Variants in SLCO1A2 observed in about 807,000 individuals in gnomAD.
The protein encoded by SLCO1A2 is solute carrier organic anion transporter family member 1A2.
SLCO1A2 carries 67 observed loss-of-function variants against 69.0 expected under a neutral mutation model. The ratio of observed to expected loss-of-function variants is 0.97; its 90% CI spans 0.80 to 1.19. SLCO1A2 has a LOEUF of 1.19. Ranked by LOEUF, SLCO1A2 falls within the 50% of genes most tolerant of loss-of-function variation. The pLI, the probability that SLCO1A2 is intolerant of heterozygous loss-of-function variation, is 0.00. For missense variants in SLCO1A2, 787 were observed against 793.7 expected (o/e 0.99, Z 0.10); for synonymous variants, 260 against 265.9 (o/e 0.98, Z 0.22).
At chr12:21,352,466 T>G (rs1190251753) in intron 2 of SLCO1A2, among the ~76,000 whole-genome samples, 1 of 152,236 alleles carries the variant, frequency 6.6e-6, no homozygotes, top group African/African-American at 2.4e-5. Flanking sequence ...ATCCTCTAAT[T>G]GAACATTTAT....
intron 2 of SLCO1A2, among the ~76,000 whole-genome samples, chr12:21,368,804 A>C (rs922670647): frequency 6.6e-6 from 1 of 152,152 alleles, no homozygotes; most frequent in South Asian, 2.1e-4. Flanking sequence ...ATGTACACCT[A>C]ATATTGATAT....
At chr12:21,327,397 G>T (rs1952318994) in intron 2 of SLCO1A2, among the ~76,000 whole-genome samples, 2 of 152,224 alleles carry the variant, frequency 1.3e-5, no homozygotes, top group Admixed American at 1.3e-4. Flanking sequence ...TGAGAAGAGG[G>T]CCACCATCCT....
At chr12:21,390,043 C>T (rs1941074381) in intron 1 of SLCO1A2, among the ~76,000 whole-genome samples, 1 of 151,648 alleles carries the variant, frequency 6.6e-6, no homozygotes, top group African/African-American at 2.4e-5. Context: ...TTTTAAAATG[C>T]AAATAAATGT....
intron 2 of SLCO1A2, among the ~76,000 whole-genome samples, chr12:21,357,800 C>A (rs1938490492): frequency 6.6e-6 from 1 of 151,978 alleles, no homozygotes; most frequent in Non-Finnish European, 1.5e-5. Flanking sequence ...TCTCAGGAGT[C>A]CTTAAAAAAT....
At chr12:21,355,871 A>T (rs2137027847) in intron 2 of SLCO1A2, among the ~76,000 whole-genome samples, 1 of 152,334 alleles carries the variant, frequency 6.6e-6, no homozygotes, top group Middle Eastern at 3.4e-3. Context: ...ATTTCTAATT[A>T]ACCAAAAAAG....
chr12:21,417,561 G>T (rs1272762533), intron 1 of SLCO1A2, among the ~76,000 whole-genome samples: 1 of 151,498 alleles, frequency 6.6e-6, no homozygotes. Flanking sequence ...ATGGGAAAAA[G>T]TGACAAAGGG....
intron 4 of SLCO1A2, among the ~76,000 whole-genome samples, chr12:21,312,000 AGGAGAAGAAGAGGAGGAG>A (rs1950238173): frequency 6.6e-6 from 1 of 151,250 alleles, no homozygotes; most frequent in Non-Finnish European, 1.5e-5. Context: ...GAGGAGGAGG[AGGAGAAGAAGAGGAGGAG>A]GGAGGAGGAG....
At chr12:21,391,785 C>T (rs1413609605) in intron 1 of SLCO1A2, among the ~76,000 whole-genome samples, 1 of 151,876 alleles carries the variant, frequency 6.6e-6, no homozygotes, top group Non-Finnish European at 1.5e-5. Flanking sequence ...TTAGTTCCCC[C>T]AAAAGGTGCA....
chr12:21,394,733 G>C (rs1358329743), intron 1 of SLCO1A2, among the ~76,000 whole-genome samples: 1 of 152,096 alleles, frequency 6.6e-6, no homozygotes, highest in African/African-American at 2.4e-5. Flanking sequence ...CTGGGGAATA[G>C]TAAATTATCC....
chr12:21,276,190 C>A (rs2136113711), intron 12 of SLCO1A2, among the ~76,000 whole-genome samples: 1 of 151,948 alleles, frequency 6.6e-6, no homozygotes, highest in East Asian at 1.9e-4. Context: ...CATTGAAAAA[C>A]CTACATAGAA....
intron 14 of SLCO1A2, among the ~76,000 whole-genome samples, chr12:21,270,021 TAAC>T (rs1942515331): frequency 1.1e-5 from 1 of 90,036 alleles, no homozygotes; most frequent in Non-Finnish European, 2.1e-5. Context: ...ATTGTTGTTA[TAAC>T]TAACTAGTTT....
rs1941940133 is a variant in SLCO1A2 at position 21,265,127 on chromosome 12, A to G, written c.*4421T>C. ...CATCAATTGTATGAGTGTAATAGAC[A>G]TTCTAGTTCTTCAGCAGCTGGGGAT... On this transcript the variant is annotated 3_prime_UTR_variant, in exon 15 of 15. Transcript: ENST00000683939. 1 of 152,218 alleles carries G rather than the reference A, an allele frequency of 6.6e-6. No individual in the cohort carries two copies. 9.4% of individuals were successfully genotyped at this position (152,218 alleles called of 1,614,324 possible).
At chr12:21,400,812 G>A (rs1390979636) in intron 1 of SLCO1A2, among the ~76,000 whole-genome samples, 29 of 146,256 alleles carry the variant, frequency 2.0e-4, no homozygotes, top group East Asian at 1.4e-3. Flanking sequence ...TCACTCATAG[G>A]TGGGAATTGA....
At chr12:21,280,211 T>C (rs1160855244) in intron 12 of SLCO1A2, among the ~76,000 whole-genome samples, 1 of 151,820 alleles carries the variant, frequency 6.6e-6, no homozygotes, top group African/African-American at 2.4e-5. Flanking sequence ...AATAACAAAA[T>C]GGCAGCAGTA....
chr12:21,332,589 G>A lies in SLCO1A2; in HGVS notation c.60+1999C>T, dbSNP rs545757855. Among the ~76,000 whole-genome samples the A allele has an allele frequency of 1.4e-4, 21 of 152,182 alleles. No homozygotes were observed. The South Asian group carries it at 4.1e-3, about 30-fold the overall frequency. On this transcript the variant is annotated intron_variant, in intron 2 of 14. Coordinates refer to ENST00000683939, the MANE Select transcript of SLCO1A2 (RefSeq NM_001386879.1). The stretch of plus-strand genomic sequence containing the variant: ...TTTAGACTAACTTTGGAAGGCTCTT[G>A]ACCAAGAGGAGGTCCATTCAGTGCT...
rs368722857 is a variant in SLCO1A2, at chr12:21,269,535, T to C, written c.*13A>G. 19 of 1,579,380 alleles carry C rather than the reference T, an allele frequency of 1.2e-5. No individual in the cohort carries two copies. The highest frequency in any genetic ancestry group is 1.6e-5 in the Non-Finnish European group (19 of 1,151,828). On this transcript the variant is annotated 3_prime_UTR_variant, in exon 15 of 15. Transcript: ENST00000683939. ...TGTTCTCTAATTCTGAAAAAAGTAATATAATAGGACAATTACAATTTAGTT... is the reference window on the plus strand; with the variant it reads ...TGTTCTCTAATTCTGAAAAAAGTAACATAATAGGACAATTACAATTTAGTT...
rs753971254 is a variant in SLCO1A2, at chr12:21,304,481, C to A, written c.535G>T (p.Gly179Cys). The stretch of plus-strand genomic sequence containing the variant: ...GCAAAATCTTCTATATAGGAAATAC[C>A]CAAAGGCAGGATGGGAGTTTCACCC... ...GMGETPILPL[G>C]ISYIEDFAKF... The change falls in exon 6 of 15, where the codon GGT becomes TGT. Residue 179 changes from glycine (G) to cysteine (C), a missense_variant. Transcript: ENST00000683939. 3.1e-6 allele frequency: 5 copies of A among 1,612,116 alleles called. No individual in the cohort carries two copies. Among genetic ancestry groups the A allele is most frequent in the Non-Finnish European group, 4.2e-6 (5 of 1,178,690 alleles).
At chr12:21,301,476 C>A (rs551540919) in intron 6 of SLCO1A2, among the ~76,000 whole-genome samples, 1 of 152,132 alleles carries the variant, frequency 6.6e-6, no homozygotes, top group African/African-American at 2.4e-5. Context: ...TTTAAAGCCA[C>A]TTTCCCTGGC....
At chr12:21,293,056 G>T (rs11045943) in intron 11 of SLCO1A2, among the ~76,000 whole-genome samples, 1 of 152,040 alleles carries the variant, frequency 6.6e-6, no homozygotes, top group Non-Finnish European at 1.5e-5. Context: ...TGTAATCCCA[G>T]CACTTTGGGG....
Sources: gnomAD v4.1 joint callset for allele counts (sites outside exome capture counted in the v4.1 genomes callset) on GRCh38, gnomAD v4.1.1 for gene constraint, MANE v1.5 for transcripts, NCBI Gene and HGNC (gene_info 2026-07-23, HGNC 2026-07-21) for gene names.